Variants in ARHGAP39 observed in about 807,000 individuals in gnomAD.
ARHGAP39 encodes Rho GTPase activating protein 39.
ARHGAP39 carries 44 observed loss-of-function variants against 106.9 expected under a neutral mutation model. The observed-to-expected ratio is 0.41, with a 90% CI of 0.32 to 0.53. The LOEUF (loss-of-function observed/expected upper bound fraction) is 0.53. Among genes scored for constraint, ARHGAP39 ranks in the 20% least tolerant of loss-of-function variants. The pLI, the probability that ARHGAP39 is intolerant of heterozygous loss-of-function variation, is 0.21. For synonymous variants in ARHGAP39, 768 were observed against 693.2 expected (o/e 1.11, Z -1.69); for missense variants, 1,496 against 1,577.3 (o/e 0.95, Z 0.87).
At chr8:144,557,079 G>A (rs1817954751) in intron 3 of ARHGAP39, among the ~76,000 whole-genome samples, 1 of 140,014 alleles carries the variant, frequency 7.1e-6, no homozygotes, top group Non-Finnish European at 1.5e-5. Flanking sequence ...AACCTTCATA[G>A]TACTCAGAGG....
At chr8:144,631,864 G>A (rs1320178661) in intron 1 of ARHGAP39, among the ~76,000 whole-genome samples, 1 of 152,266 alleles carries the variant, frequency 6.6e-6, no homozygotes, top group African/African-American at 2.4e-5. Flanking sequence ...CAGGGCAACT[G>A]TCAGTGTCAA....
Position 144,548,265 on chromosome 8 carries a change from G to C in ARHGAP39, c.821C>G (p.Pro274Arg). 6.2e-7 allele frequency: 1 copy of C among 1,608,684 alleles called. No individual in the cohort carries two copies. The highest frequency in any genetic ancestry group is 8.5e-7 in the Non-Finnish European group (1 of 1,177,772). Reference sequence around the variant, plus strand: ...TGGGAGCTCGGCCCTCTTCAGGAAGGGTGACGGCCTCCTCTCTGGGAAGAA... The same window carrying C: ...TGGGAGCTCGGCCCTCTTCAGGAAGCGTGACGGCCTCCTCTCTGGGAAGAA... ...TIFFPERRPS[P>R]FLKRAELPGS... is the part of the protein sequence containing the mutation. Residue 274 changes from proline (P) to arginine (R), a missense_variant, in exon 5 of 12, where the codon CCC (proline) becomes CGC (arginine). Around this residue, in one of 4 missense-constraint regions of ARHGAP39, gnomAD observed 905 missense variants for 816.4 expected, o/e 1.11. Transcript: ENST00000377307. The surrounding 1 kb of genome is among the most constrained non-coding windows in gnomAD (Gnocchi z 7.4).
At chr8:144,638,818 C>T (rs1489446774) in intron 1 of ARHGAP39, among the ~76,000 whole-genome samples, 1 of 152,184 alleles carries the variant, frequency 6.6e-6, no homozygotes, top group Non-Finnish European at 1.5e-5. Context: ...CTGGCTTTCT[C>T]GGATCTGCTC....
intron 2 of ARHGAP39, among the ~76,000 whole-genome samples, chr8:144,600,191 C>G (rs1237259835): frequency 6.7e-6 from 1 of 149,526 alleles, no homozygotes; most frequent in South Asian, 2.1e-4. Context: ...ACTTGTGTAC[C>G]TACCTGCGTG....
At chr8:144,694,138 G>A in the ARHGAP39 span, among the ~76,000 whole-genome samples, 4 of 152,210 alleles carry the variant, frequency 2.6e-5, no homozygotes, top group African/African-American at 9.7e-5. Context: ...TGAGTGAGTG[G>A]ATGGGTGGGG....
chr8:144,548,371 C>T lies in ARHGAP39; in HGVS notation c.715G>A (p.Gly239Arg). ...GNGYAPDGPP[G>R]VRSRRPSGSQ... ...CCGGAGGGTCTGCGGGAGCGGACCC[C>T]AGGTGGGCCGTCTGGGGCGTAGCCA... Residue 239 changes from glycine to arginine, a missense_variant, in exon 5 of 12, where the codon GGG becomes AGG. Coordinates refer to ENST00000377307, the MANE Select transcript of ARHGAP39 (RefSeq NM_025251.3). The surrounding 1 kb of genome is among the most constrained non-coding windows in gnomAD (Gnocchi z 7.4). 1 of 1,609,186 alleles carries T rather than the reference C, an allele frequency of 6.2e-7. No homozygotes were observed.
chr8:144,682,039 C>T (rs546507489), intron 1 of ARHGAP39, among the ~76,000 whole-genome samples: 8 of 152,074 alleles, frequency 5.3e-5, no homozygotes, highest in Middle Eastern at 3.4e-3. Context: ...GAGGCCGAGG[C>T]GGGCAGATCA....
intron 6 of ARHGAP39, among the ~76,000 whole-genome samples, chr8:144,544,184 A>C (rs1348571726): frequency 6.6e-6 from 1 of 152,198 alleles, no homozygotes; most frequent in Non-Finnish European, 1.5e-5. Context: ...AAGTCGGGTG[A>C]AACTGCATGG....
chr8:144,542,122 C>T (rs2130831790), intron 6 of ARHGAP39, among the ~76,000 whole-genome samples: 2 of 152,294 alleles, frequency 1.3e-5, no homozygotes, highest in South Asian at 4.2e-4. Flanking sequence ...GTGAATGAAA[C>T]CTTTAGGAGT....
upstream of ARHGAP39, among the ~76,000 whole-genome samples, chr8:144,686,260 C>T (rs1822587780): frequency 6.6e-6 from 1 of 152,176 alleles, no homozygotes; most frequent in Non-Finnish European, 1.5e-5. Flanking sequence ...CCCTGTTCCT[C>T]AGTCCTTCTT....
At chr8:144,676,602 C>T (rs1002227032) in intron 1 of ARHGAP39, among the ~76,000 whole-genome samples, 1 of 152,258 alleles carries the variant, frequency 6.6e-6, no homozygotes, top group African/African-American at 2.4e-5. Flanking sequence ...TCCAAGTCCC[C>T]ACCCGACCCA....
chr8:144,549,092 G>C (rs967024664), intron 4 of ARHGAP39, among the ~76,000 whole-genome samples: 2 of 152,268 alleles, frequency 1.3e-5, no homozygotes, highest in Non-Finnish European at 2.9e-5. Flanking sequence ...GAGTCACGCT[G>C]TCTGCGTCCT....
the ARHGAP39 span, chr8:144,698,904 T>G: frequency 2.2e-6 from 1 of 454,856 alleles, no homozygotes; most frequent in Non-Finnish European, 4.4e-6. Flanking sequence ...GGTTGGGGGG[T>G]CCAAGATGTG....
At chr8:144,546,886 T>A in intron 5 of ARHGAP39, among the ~76,000 whole-genome samples, 1 of 152,106 alleles carries the variant, frequency 6.6e-6, no homozygotes, top group Admixed American at 6.5e-5. Flanking sequence ...GCCCCCAGGA[T>A]GAGGAAGGCA....
At chr8:144,594,947 T>C (rs1249314107) in intron 2 of ARHGAP39, among the ~76,000 whole-genome samples, 3 of 151,918 alleles carry the variant, frequency 2.0e-5, no homozygotes, top group African/African-American at 7.3e-5. Context: ...GAGGCCGAAG[T>C]GGGAGGATCG....
chr8:144,681,804 C>T lies in ARHGAP39; in HGVS notation c.-82+3882G>A, dbSNP rs186995541. Among the ~76,000 whole-genome samples, 93 of 152,276 alleles carry T rather than the reference C, an allele frequency of 6.1e-4. 1 individual carries two copies. The highest frequency in any genetic ancestry group is 3.9e-4 in the Admixed American group (6 of 15,296). ...AGGTCACAAATCTCAAAACACTCTACTAAAGGTGGAAGGGTTTTCCCTAAT... is the reference window on the plus strand; with the variant it reads ...AGGTCACAAATCTCAAAACACTCTATTAAAGGTGGAAGGGTTTTCCCTAAT... On this transcript the variant is annotated intron_variant, in intron 1 of 11. Transcript: ENST00000377307.
At chr8:144,571,242 C>G (rs753093093) in intron 3 of ARHGAP39, among the ~76,000 whole-genome samples, 3 of 152,168 alleles carry the variant, frequency 2.0e-5, no homozygotes, top group Non-Finnish European at 4.4e-5. Context: ...CAATAAAATA[C>G]TGGCAAACCG....
rs138278117 is a variant in ARHGAP39 at position 144,675,716 on chromosome 8, C to T, written c.-82+9970G>A. 6.2e-3 allele frequency among the ~76,000 whole-genome samples: 933 copies of T among 151,552 alleles called. 12 individuals are homozygous for T. Among genetic ancestry groups the T allele is most frequent in the African/African-American group, 0.021 (865 of 41,132 alleles). On this transcript the variant is annotated intron_variant, in intron 1 of 11. Transcript: ENST00000377307. The stretch of plus-strand genomic sequence containing the variant: ...CTGCAGACCTTCGTGGTTAGTGTTA[C>T]AGCTCTTAAAGACGGTGCGTCTGGA...
chr8:144,543,954 G>A (rs927629277), intron 6 of ARHGAP39: 2 of 152,386 alleles, frequency 1.3e-5, no homozygotes, highest in South Asian at 2.1e-4. Flanking sequence ...GCTCAGGCAC[G>A]ACATTCCCAG....
Sources: allele counts gnomAD v4.1 joint callset (sites outside exome capture counted in the v4.1 genomes callset), GRCh38; gene constraint gnomAD v4.1.1; regional missense constraint gnomAD v4.1.1; non-coding constraint Gnocchi (gnomAD v3.1); transcripts MANE v1.5; gene names NCBI Gene and HGNC (gene_info 2026-07-23, HGNC 2026-07-21).